The following PLA2G6 variants were observed in gnomAD, a reference collection of about 807,000 sequenced individuals.
The protein encoded by PLA2G6 is phospholipase A2 group VI, also known as 85/88 kDa calcium-independent phospholipase A2.
A neutral mutation model predicts 83.8 loss-of-function variants in PLA2G6; 62 were observed. The observed-to-expected ratio is 0.74, with a 90% CI of 0.60 to 0.91. The LOEUF is 0.91. Among genes scored for constraint, PLA2G6 ranks in the 40% least tolerant of loss-of-function variants. The probability of loss-of-function intolerance (pLI) is 0.00; values close to 1 mark genes in which losing one functional copy is unlikely to be tolerated. For missense variants in PLA2G6, 944 were observed against 1,102.0 expected (o/e 0.86, Z 2.03); for synonymous variants, 417 against 449.8 (o/e 0.93, Z 0.92).
At position 38,160,932 on chromosome 22, in the gene PLA2G6, G is replaced by A. The variant is rs183211839; in HGVS notation, c.209+8286C>T. Among the ~76,000 whole-genome samples, 12 of 152,256 alleles carry A rather than the reference G, an allele frequency of 7.9e-5. No homozygotes were observed. In the East Asian group the frequency reaches 2.1e-3, roughly 27 times the overall value. On this transcript the variant is annotated intron_variant, in intron 2 of 16. Transcript: ENST00000332509. ...ACAAAAGGAGGGCTTCTGGGGTGCT[G>A]TAATGTCCTATCTCTAGATTCGAGT...
rs1239280018 is a variant in PLA2G6 at position 38,145,558 on chromosome 22, A to C, written c.305T>G (p.Leu102Arg). The C allele has an allele frequency of 6.2e-7, 1 of 1,613,540 alleles. No individual in the cohort carries two copies. The highest frequency in any genetic ancestry group is 8.5e-7 in the Non-Finnish European group (1 of 1,179,576). Residue 102 changes from leucine (L) to arginine (R), a missense_variant, in exon 3 of 17, where the codon CTG (leucine) becomes CGG (arginine). Coordinates refer to ENST00000332509, the MANE Select transcript of PLA2G6 (RefSeq NM_003560.4). ...LPFYESSPQV[L>R]HTEVLQHLTD... ...CAGGTGCTGCAGGACCTCAGTGTGC[A>C]GGACCTGAGGGGAGCTCTCATAGAA... is the stretch of plus-strand genomic sequence containing the variant.
chr22:38,139,935 A>C (rs1410812014), intron 5 of PLA2G6, 47 bp downstream of exon 5: 1 of 1,452,658 alleles, frequency 6.9e-7, no homozygotes, highest in Non-Finnish European at 9.5e-7. Context: ...GTGACAGGAG[A>C]GCTGGAGCCC....
intron 5 of PLA2G6, chr22:38,137,162 T>C (rs2145789617): frequency 6.6e-6 from 1 of 152,444 alleles, no homozygotes; most frequent in East Asian, 1.9e-4. Flanking sequence ...TTATTAGGGG[T>C]GCCCAGCACA....
At chr22:38,116,275 C>A in intron 12 of PLA2G6, 64 bp from the exon 13 acceptor site, 1 of 1,575,540 alleles carries the variant, frequency 6.3e-7, no homozygotes, top group South Asian at 1.1e-5. Context: ...CCTTTCCCCA[C>A]AATTCACACC....
intron 9 of PLA2G6, 71 bp from the exon 10 acceptor site, chr22:38,126,520 G>T (rs909028813): frequency 8.6e-7 from 1 of 1,156,400 alleles, no homozygotes; most frequent in African/African-American, 1.5e-5. Context: ...GAGGTCCCTA[G>T]ATCAAACCTG....
chr22:38,144,655 A>T (rs1432227016), intron 3 of PLA2G6: 1 of 144,188 alleles, frequency 6.9e-6, no homozygotes, highest in Non-Finnish European at 1.5e-5. Context: ...AAAAAAAAAA[A>T]AAATTACCCG....
rs759177996 is a variant in PLA2G6, at chr22:38,123,283, AGAG to A, written c.1428-28_1428-26del. 3.9e-6 allele frequency: 6 copies of A among 1,553,932 alleles called. No homozygotes were observed. Among genetic ancestry groups the A allele is most frequent in the Middle Eastern group, 1.7e-4 (1 of 5,930 alleles). On this transcript the variant is annotated intron_variant, in intron 10 of 16. Coordinates refer to ENST00000332509, the MANE Select transcript of PLA2G6 (RefSeq NM_003560.4). This position sits in a 1 kb window ranked among gnomAD's most constrained non-coding sequence, Gnocchi z 4.1. ...GCTGCAGTGGGAACAGCAGTGGGAG[AGAG>A]GAGGGTCCTGCCACAGCCCAGTACT...
intron 2 of PLA2G6, among the ~76,000 whole-genome samples, chr22:38,165,600 G>A (rs1420282285): frequency 1.1e-4 from 16 of 152,164 alleles, no homozygotes; most frequent in Admixed American, 5.9e-4. Flanking sequence ...CTGGCCGGGC[G>A]CGGTGGCTCA....
chr22:38,173,756 A>C (rs1465675577), intron 1 of PLA2G6, among the ~76,000 whole-genome samples: 1 of 152,196 alleles, frequency 6.6e-6, no homozygotes, highest in Non-Finnish European at 1.5e-5. Context: ...ACATGTTCAA[A>C]GGGCAAATTA....
rs201339748 is a variant in PLA2G6, at chr22:38,145,456, T to A, written c.407A>T (p.His136Leu). ...TGCTCACCTGATGATACGGCTGTGA[T>A]GGAAGCACTCGCGGATCCCTAGCTC... The part of the protein sequence containing the change: ...AVELGIRECF[H>L]HSRIISCANC... Residue 136 changes from histidine to leucine, a missense_variant, in exon 3 of 17, where the codon CAT becomes CTT. Physicochemically the swap from His to Leu is moderately conservative, Grantham distance 99. Coordinates refer to ENST00000332509, the MANE Select transcript of PLA2G6 (RefSeq NM_003560.4). The A allele has an allele frequency of 1.2e-6, 2 of 1,609,232 alleles. No individual in the cohort carries two copies. Among genetic ancestry groups the A allele is most frequent in the African/African-American group, 1.3e-5 (1 of 75,012 alleles).
intron 2 of PLA2G6, among the ~76,000 whole-genome samples, chr22:38,151,079 T>C (rs975824643): frequency 6.6e-6 from 1 of 151,972 alleles, no homozygotes; most frequent in African/African-American, 2.4e-5. Flanking sequence ...TCTAAATAAA[T>C]AAATGCCAAT....
In PLA2G6 at chr22:38,169,617, G is replaced by A. The variant is rs11570602; in HGVS notation, c.-45-146C>T. 3.1e-3 allele frequency: 1,943 copies of A among 628,406 alleles called. 34 individuals carry two copies. In the African/African-American group the frequency reaches 0.032, roughly 10 times the overall value. 38.9% of individuals were successfully genotyped at this position (628,406 alleles called of 1,614,324 possible). ...GGGCCTGGAGGGATCTTAAAAGGAG[G>A]GGAAAGAAAGAGAAACAACACTGAG... is the stretch of plus-strand genomic sequence containing the variant. On this transcript the variant is annotated intron_variant, in intron 1 of 16. Coordinates refer to ENST00000332509, the MANE Select transcript of PLA2G6 (RefSeq NM_003560.4).
Position 38,145,478 on chromosome 22 carries a change from G to A in PLA2G6, c.385C>T (p.Leu129=). 1 of 1,612,046 alleles carries A rather than the reference G, an allele frequency of 6.2e-7. No homozygotes were observed. Among genetic ancestry groups the A allele is most frequent in the Non-Finnish European group, 8.5e-7 (1 of 1,179,490 alleles). ...TGATGGAAGCACTCGCGGATCCCTA[G>A]CTCCACAGCCAGGTGGGCCACTGAC... ...SWSVAHLAVE[L]GIRECFHHSR... The change falls in exon 3 of 17, where the codon CTA becomes TTA. Residue 129 remains leucine, a synonymous_variant. Transcript: ENST00000332509.
intron 5 of PLA2G6, chr22:38,135,783 C>CT (rs1301285227): frequency 2.0e-5 from 3 of 152,318 alleles, no homozygotes; most frequent in African/African-American, 7.2e-5. Flanking sequence ...GGCGCGGTGT[C>CT]TCACGCCTGT....
chr22:38,153,440 A>G (rs377729231), intron 2 of PLA2G6, among the ~76,000 whole-genome samples: 1 of 152,060 alleles, frequency 6.6e-6, no homozygotes, highest in Non-Finnish European at 1.5e-5. Context: ...GCCTTCCCCA[A>G]GTTTGCATTT....
At chr22:38,161,288 C>A (rs1291618778) in intron 2 of PLA2G6, among the ~76,000 whole-genome samples, 1 of 152,078 alleles carries the variant, frequency 6.6e-6, no homozygotes, top group African/African-American at 2.4e-5. Flanking sequence ...TGATAGAGTT[C>A]CTGATGAGGG....
chr22:38,153,267 AC>A (rs1359480906), intron 2 of PLA2G6, among the ~76,000 whole-genome samples: 1 of 152,166 alleles, frequency 6.6e-6, no homozygotes, highest in Admixed American at 6.5e-5. Flanking sequence ...CCCCGTCCCT[AC>A]TAAAAATACA....
intron 9 of PLA2G6, chr22:38,126,939 G>A (rs1242176653): frequency 1.0e-6 from 1 of 973,946 alleles, no homozygotes; most frequent in African/African-American, 1.7e-5. Context: ...CGGGGTTTAA[G>A]TCCATGGATG....
Position 38,112,068 on chromosome 22 carries a change from G to A in PLA2G6, c.*93C>T, listed in dbSNP as rs2086895044. The A allele has an allele frequency of 2.1e-6, 3 of 1,437,982 alleles. No homozygotes were observed. The highest frequency in any genetic ancestry group is 5.0e-5 in the East Asian group (2 of 40,384). 89.1% of individuals were successfully genotyped at this position (1,437,982 alleles called of 1,614,324 possible). ...GGTCTATGGACTCAGAGGTGCCTGG[G>A]CCCAGATCTGCCCGGGAGGGCAGTG... On this transcript the variant is annotated 3_prime_UTR_variant, in exon 17 of 17. Coordinates refer to ENST00000332509, the MANE Select transcript of PLA2G6 (RefSeq NM_003560.4).
Sources: allele counts gnomAD v4.1 joint callset (sites outside exome capture counted in the v4.1 genomes callset), GRCh38; gene constraint gnomAD v4.1.1; non-coding constraint Gnocchi (gnomAD v3.1); transcripts MANE v1.5; gene names NCBI Gene and HGNC (gene_info 2026-07-23, HGNC 2026-07-21).